Variants in DDRGK1 observed in about 807,000 individuals in gnomAD.
DDRGK1 encodes the protein DDRGK domain containing 1, also known as DDRGK domain-containing protein 1.
In DDRGK1, 38 loss-of-function variants were observed where a neutral mutation model predicts 45.8. The observed-to-expected ratio is 0.83, with a 90% CI of 0.64 to 1.09. DDRGK1 has a LOEUF of 1.09. Among genes scored for constraint, DDRGK1 ranks in the 50% least tolerant of loss-of-function variants. The pLI is 0.00. For synonymous variants in DDRGK1, 171 were observed against 168.7 expected (o/e 1.01, Z -0.11); for missense variants, 403 against 419.9 (o/e 0.96, Z 0.35).
At chr20:3,196,543 T>C (rs1431255160) in intron 4 of DDRGK1, among the ~76,000 whole-genome samples, 4 of 117,326 alleles carry the variant, frequency 3.4e-5, no homozygotes, top group East Asian at 4.4e-4. Flanking sequence ...TAGCCGGGCG[T>C]GGTGGTGGGC....
intron 4 of DDRGK1, among the ~76,000 whole-genome samples, chr20:3,198,696 G>A (rs1439426575): frequency 4.8e-4 from 19 of 39,418 alleles, no homozygotes; most frequent in African/African-American, 2.5e-3. Context: ...GTGGAACTCC[G>A]TTTCAAAAAA....
In DDRGK1 at chr20:3,203,139, C is replaced by G; in HGVS notation, c.295+74G>C. On this transcript the variant is annotated intron_variant, in intron 2 of 8. Transcript: ENST00000354488. ...CCTGAGGCTTCATACCCTACTCCCCCACTTAGCTTTGGGGGCCCTTTTATC... is the reference window on the plus strand; with the variant it reads ...CCTGAGGCTTCATACCCTACTCCCCGACTTAGCTTTGGGGGCCCTTTTATC... 23 of 1,365,242 alleles carry G rather than the reference C, an allele frequency of 1.7e-5. No homozygotes were observed. The South Asian group carries it at 3.5e-4, about 21-fold the overall frequency. The allele number at this position is 1,365,242 out of a possible 1,614,324, so 84.6% of individuals were successfully genotyped here.
rs547183950 is a variant in DDRGK1 at position 3,195,245 on chromosome 20, T to C, written c.619A>G (p.Met207Val). The change falls in exon 5 of 9, where the codon ATG becomes GTG. Residue 207 changes from methionine to valine, a missense_variant. Physicochemically the swap from Met to Val is conservative, Grantham distance 21. Coordinates refer to ENST00000354488, the MANE Select transcript of DDRGK1 (RefSeq NM_023935.3). Reference protein sequence around the residue: ...VVEEEGVGETMTEEQSQSFLT... With the variant: ...VVEEEGVGETVTEEQSQSFLT... ...AGCAGGCCCACCTGTTCCTCAGTCA[T>C]GGTCTCTCCTACGCCTTCCTCCTCC... 2.5e-6 allele frequency: 4 copies of C among 1,614,074 alleles called. No individual in the cohort carries two copies. The highest frequency in any genetic ancestry group is 1.7e-4 in the Middle Eastern group (1 of 6,058).
chr20:3,203,071 TC>T (rs1045320914), intron 2 of DDRGK1, 141 bp downstream of exon 2: 10 of 736,000 alleles, frequency 1.4e-5, no homozygotes, highest in South Asian at 2.4e-5. Flanking sequence ...AGGTCCCAAG[TC>T]CCCCCCTACT....
At chr20:3,194,897 AC>A in intron 5 of DDRGK1, 29 bp from the exon 6 acceptor site, 1 of 1,612,290 alleles carries the variant, frequency 6.2e-7, no homozygotes, top group African/African-American at 1.3e-5. Context: ...CAGGGTGAGC[AC>A]CCCCTAGCAA....
At chr20:3,191,359 G>A in intron 7 of DDRGK1, 121 bp from the exon 8 acceptor site, 1 of 1,163,486 alleles carries the variant, frequency 8.6e-7, no homozygotes, top group Non-Finnish European at 1.3e-6. Context: ...GCCCAAATGT[G>A]ACTCTGTGCT....
At chr20:3,204,088 A>T (rs1228282305) in intron 1 of DDRGK1, among the ~76,000 whole-genome samples, 1 of 152,060 alleles carries the variant, frequency 6.6e-6, no homozygotes, top group Non-Finnish European at 1.5e-5. Flanking sequence ...AATTTCCTGG[A>T]GCCGCCTCGC....
At chr20:3,194,904 A>G (rs1271699118) in intron 5 of DDRGK1, 36 bp from the exon 6 acceptor site, 1 of 1,611,856 alleles carries the variant, frequency 6.2e-7, no homozygotes, top group Middle Eastern at 1.7e-4. Flanking sequence ...AGCACCCCCT[A>G]GCAAGCCCAC....
intron 2 of DDRGK1, among the ~76,000 whole-genome samples, 155 bp from the exon 3 acceptor site, chr20:3,200,609 A>T (rs937524239): frequency 1.3e-5 from 2 of 152,204 alleles, no homozygotes; most frequent in South Asian, 4.1e-4. Context: ...GGCATCTGCC[A>T]TGAGTGCGTG....
chr20:3,203,480 C>CGGCA lies in DDRGK1; in HGVS notation c.92-68_92-65dup. On this transcript the variant is annotated intron_variant, in intron 1 of 8. Coordinates refer to ENST00000354488, the MANE Select transcript of DDRGK1 (RefSeq NM_023935.3). ...CCAGCCCGGCCCATGGCAGGAGGAG[C>CGGCA]GGCAGCCCGGAAGCCTCACCTCCTC... 4.2e-6 allele frequency: 6 copies of CGGCA among 1,437,968 alleles called. No homozygotes were observed. The South Asian group carries it at 9.1e-5, about 22-fold the overall frequency. The allele number at this position is 1,437,968 out of a possible 1,614,324, so 89.1% of individuals were successfully genotyped here. A position where few individuals can be genotyped will look rare whatever the true frequency, so the allele number is the denominator to read the frequency against.
At position 3,195,300 on chromosome 20, in the gene DDRGK1, C is replaced by G. The variant is rs750892877; in HGVS notation, c.564G>C (p.Glu188Asp). The change falls in exon 5 of 9, where the codon GAG (glutamate) becomes GAC (aspartate). Residue 188 changes from glutamate to aspartate, a missense_variant. Glu to Asp is a conservative substitution (Grantham distance 45). Coordinates refer to ENST00000354488, the MANE Select transcript of DDRGK1 (RefSeq NM_023935.3). ...REEQAQREHE[E>D]YLKLKEAFVV... The stretch of plus-strand genomic sequence containing the variant: ...CAAAGGCCTCCTTCAGTTTCAGGTA[C>G]TCCTCATGCTCCCGCTGGGCCTGCT... 2 of 1,613,356 alleles carry G rather than the reference C, an allele frequency of 1.2e-6. No individual in the cohort carries two copies.
In DDRGK1 at chr20:3,204,502, G is replaced by C. The variant is rs752066764; in HGVS notation, c.91+35C>G. 137 of 1,536,564 alleles carry C rather than the reference G, an allele frequency of 8.9e-5. No homozygotes were observed. In the Middle Eastern group the frequency reaches 1.2e-3, roughly 13 times the overall value. ...AAAGGCTCAGAAGGCCAGAAAACCCGGTACCACCAACCCTGGTGCAGCGGC... is the reference window on the plus strand; with the variant it reads ...AAAGGCTCAGAAGGCCAGAAAACCCCGTACCACCAACCCTGGTGCAGCGGC... On this transcript the variant is annotated intron_variant, in intron 1 of 8. Transcript: ENST00000354488.
intron 6 of DDRGK1, among the ~76,000 whole-genome samples, 153 bp from the exon 7 acceptor site, chr20:3,191,974 C>CACACACAT (rs1373886318): frequency 7.4e-5 from 8 of 107,654 alleles, no homozygotes; most frequent in African/African-American, 1.9e-4. Flanking sequence ...GCTCCCCTGA[C>CACACACAT]ACACACACAC....
chr20:3,201,400 C>T lies in DDRGK1; in HGVS notation c.296-946G>A, dbSNP rs189509579. ...CATGAACCCAGCAGGCAGAGCTTGCCGAGATCTGCTGCCAAGTGGTGTGAG... is the reference window on the plus strand; with the variant it reads ...CATGAACCCAGCAGGCAGAGCTTGCTGAGATCTGCTGCCAAGTGGTGTGAG... On this transcript the variant is annotated intron_variant, in intron 2 of 8. Transcript: ENST00000354488. Among the ~76,000 whole-genome samples, 697 of 147,230 alleles carry T rather than the reference C, an allele frequency of 4.7e-3. 1 individual carries two copies. Among genetic ancestry groups the T allele is most frequent in the Non-Finnish European group, 8.5e-3 (568 of 67,138 alleles).
Position 3,190,532 on chromosome 20 carries a change from A to G in DDRGK1, c.*121T>C. 1 of 1,271,240 alleles carries G rather than the reference A, an allele frequency of 7.9e-7. No individual in the cohort carries two copies. Among genetic ancestry groups the G allele is most frequent in the Non-Finnish European group, 1.1e-6 (1 of 911,116 alleles). The allele number at this position is 1,271,240 out of a possible 1,614,324, so 78.7% of individuals were successfully genotyped here. A position where few individuals can be genotyped will look rare whatever the true frequency, so the allele number is the denominator to read the frequency against. On this transcript the variant is annotated 3_prime_UTR_variant, in exon 9 of 9. Coordinates refer to ENST00000354488, the MANE Select transcript of DDRGK1 (RefSeq NM_023935.3). Reference sequence around the variant, plus strand: ...AGCCACACCAAGCTCAGCAGTACTCACAGGCCTTTAATCTATAACTGCCTG... The same window carrying G: ...AGCCACACCAAGCTCAGCAGTACTCGCAGGCCTTTAATCTATAACTGCCTG...
At chr20:3,201,718 C>T (rs577847390) in intron 2 of DDRGK1, among the ~76,000 whole-genome samples, 10 of 149,434 alleles carry the variant, frequency 6.7e-5, no homozygotes, top group East Asian at 4.0e-4. Flanking sequence ...AGTGCAGTGG[C>T]GCGATCTCGG....
At position 3,190,825 on chromosome 20, in the gene DDRGK1, G is replaced by A. The variant is rs1216659123; in HGVS notation, c.779-6C>T. Reference sequence around the variant, plus strand: ...GCCCCGGTCGTCAATCACACCTGTGGGGACATGCAGGTTGTGGGGCTGAGG... The same window carrying A: ...GCCCCGGTCGTCAATCACACCTGTGAGGACATGCAGGTTGTGGGGCTGAGG... On this transcript the variant is annotated splice_polypyrimidine_tract_variant and splice_region_variant and intron_variant, in intron 8 of 8. Coordinates refer to ENST00000354488, the MANE Select transcript of DDRGK1 (RefSeq NM_023935.3). 3 of 1,607,812 alleles carry A rather than the reference G, an allele frequency of 1.9e-6. No individual in the cohort carries two copies. The highest frequency in any genetic ancestry group is 2.7e-5 in the African/African-American group (2 of 74,874).
At chr20:3,200,187 C>A in intron 3 of DDRGK1, 85 bp from the exon 4 acceptor site, 1 of 1,528,988 alleles carries the variant, frequency 6.5e-7, no homozygotes, top group African/African-American at 1.4e-5. Context: ...AAGGCAATGC[C>A]TGGGCCAGGG....
intron 2 of DDRGK1, among the ~76,000 whole-genome samples, chr20:3,201,219 A>G (rs2067037661): frequency 6.7e-6 from 1 of 149,178 alleles, no homozygotes; most frequent in Non-Finnish European, 1.5e-5. Context: ...AGGAGGCGGA[A>G]CTTGCAGTGA....
Sources: allele counts gnomAD v4.1 joint callset (sites outside exome capture counted in the v4.1 genomes callset), GRCh38; gene constraint gnomAD v4.1.1; transcripts MANE v1.5; gene names NCBI Gene and HGNC (gene_info 2026-07-23, HGNC 2026-07-21).